Variants in ABCC1 observed in about 807,000 individuals in gnomAD.
ABCC1 encodes ATP binding cassette subfamily C member 1 (ABCC1 blood group).
Under a neutral mutation model 172.9 loss-of-function variants are expected in ABCC1, and 83 were observed. The observed-to-expected ratio is 0.48, with a 90% CI of 0.40 to 0.58. The LOEUF is 0.58. Ranked by LOEUF, ABCC1 falls within the 20% of genes least tolerant of loss-of-function variation. The pLI is 0.00. For synonymous variants in ABCC1, 937 were observed against 825.2 expected (o/e 1.14, Z -2.32); for missense variants, 1,817 against 2,002.7 (o/e 0.91, Z 1.77).
At position 16,036,452 on chromosome 16, in the gene ABCC1, C is replaced by T. The variant is rs773688623; in HGVS notation, c.678-20C>T. ...TGTCATTGACTCTCATTGCCTAACC[C>T]CCTTGTGTCTTGGCCCCAGGTTGAT... On this transcript the variant is annotated intron_variant, in intron 6 of 30. Transcript: ENST00000399410. 2 of 1,609,090 alleles carry T rather than the reference C, an allele frequency of 1.2e-6. No homozygotes were observed. Among genetic ancestry groups the T allele is most frequent in the Non-Finnish European group, 1.7e-6 (2 of 1,177,340 alleles).
intron 21 of ABCC1, among the ~76,000 whole-genome samples, chr16:16,110,340 C>T (rs1191329230): frequency 6.6e-6 from 1 of 151,290 alleles, no homozygotes; most frequent in East Asian, 1.9e-4. Flanking sequence ...TGCCGCAGCC[C>T]CTCAAAGTGC....
At chr16:16,004,862 G>A (rs1248339497) in intron 1 of ABCC1, among the ~76,000 whole-genome samples, 1 of 39,848 alleles carries the variant, frequency 2.5e-5, no homozygotes, top group African/African-American at 5.6e-5. Flanking sequence ...ATGTTTTTAT[G>A]GGGGGTTCTT....
intron 26 of ABCC1, among the ~76,000 whole-genome samples, chr16:16,131,392 G>C (rs1311213565): frequency 6.6e-6 from 1 of 152,166 alleles, no homozygotes. Flanking sequence ...ATAAATGTGT[G>C]TTGAACACCT....
intron 21 of ABCC1, among the ~76,000 whole-genome samples, chr16:16,110,050 C>G (rs2052317770): frequency 6.6e-6 from 1 of 152,006 alleles, no homozygotes; most frequent in Non-Finnish European, 1.5e-5. Context: ...ACCTCAGGGC[C>G]TTTGCACATG....
At chr16:16,038,748 C>G (rs556937372) in intron 7 of ABCC1, among the ~76,000 whole-genome samples, 7 of 152,314 alleles carry the variant, frequency 4.6e-5, no homozygotes, top group Non-Finnish European at 8.8e-5. Flanking sequence ...GCATCCCCCC[C>G]GCTAAGCAGG....
chr16:16,036,021 G>A (rs2048741502), intron 6 of ABCC1, among the ~76,000 whole-genome samples: 1 of 152,004 alleles, frequency 6.6e-6, no homozygotes, highest in South Asian at 2.1e-4. Context: ...CTACTCGGGA[G>A]GTTGAGATGG....
rs1371826874 is a variant in ABCC1 at position 16,073,051 on chromosome 16, A to AT, written c.1912+1322_1912+1323insT. Among the ~76,000 whole-genome samples, 53 of 110,960 alleles carry AT rather than the reference A, an allele frequency of 4.8e-4. 1 individual carries two copies. Among genetic ancestry groups the AT allele is most frequent in the Non-Finnish European group, 2.6e-4 (13 of 50,430 alleles). 72.8% of individuals were successfully genotyped at this position (110,960 alleles called of 152,430 possible). On this transcript the variant is annotated intron_variant, in intron 14 of 30. Coordinates refer to ENST00000399410, the MANE Select transcript of ABCC1 (RefSeq NM_004996.4). Reference sequence around the variant, plus strand: ...GTGAGACTTCATCTCAAAAAAAAAAAAAAAAATAATAATAATAAATATTAA... The same window carrying AT: ...GTGAGACTTCATCTCAAAAAAAAAAATAAAAAATAATAATAATAAATATTAA...
chr16:16,061,772 C>CTTTTTTTTTTTT (rs201926082), intron 12 of ABCC1, among the ~76,000 whole-genome samples: 2 of 116,224 alleles, frequency 1.7e-5, no homozygotes, highest in Non-Finnish European at 3.4e-5. Flanking sequence ...TTCTTTTTTT[C>CTTTTTTTTTTTT]TTTTTTTTTT....
intron 1 of ABCC1, among the ~76,000 whole-genome samples, chr16:15,951,708 G>A (rs1290592861): frequency 1.4e-5 from 2 of 147,148 alleles, no homozygotes; most frequent in Admixed American, 1.4e-4. Flanking sequence ...TTTCTTTTTT[G>A]AGACAGAGTC....
At chr16:16,020,902 G>T (rs1163803063) in intron 5 of ABCC1, among the ~76,000 whole-genome samples, 1 of 152,142 alleles carries the variant, frequency 6.6e-6, no homozygotes, top group African/African-American at 2.4e-5. Context: ...TGCCTTGCTC[G>T]ACCTGAGTAG....
intron 5 of ABCC1, among the ~76,000 whole-genome samples, chr16:16,030,073 C>A (rs931143265): frequency 6.6e-6 from 1 of 152,138 alleles, no homozygotes; most frequent in African/African-American, 2.4e-5. Flanking sequence ...CTCAGGGAAG[C>A]CTTCTCCAAC....
intron 1 of ABCC1, among the ~76,000 whole-genome samples, chr16:15,973,597 A>C (rs1277742351): frequency 1.3e-5 from 2 of 152,178 alleles, no homozygotes; most frequent in South Asian, 4.1e-4. Context: ...GGTGACTATC[A>C]GCAATGGTGT....
intron 29 of ABCC1, 128 bp downstream of exon 29, chr16:16,136,772 A>C (rs772804026): frequency 9.1e-7 from 1 of 1,102,946 alleles, no homozygotes; most frequent in Non-Finnish European, 1.3e-6. Context: ...TTGTCCCTTC[A>C]CCTCTTGGAG....
Position 16,039,432 on chromosome 16 carries a change from T to A in ABCC1, c.809+2829T>A, listed in dbSNP as rs2048891691. On this transcript the variant is annotated intron_variant, in intron 7 of 30. Transcript: ENST00000399410. ...ACAGGTGCATGCCACCACGCCTGAC[T>A]AATTTTTTGTATTTTTAGTAGAGAC... is the stretch of plus-strand genomic sequence containing the variant. 2.6e-5 allele frequency among the ~76,000 whole-genome samples: 4 copies of A among 151,708 alleles called. No individual in the cohort carries two copies. The South Asian group carries it at 8.3e-4, about 32-fold the overall frequency.
chr16:15,988,486 C>G (rs2046790499), intron 1 of ABCC1, among the ~76,000 whole-genome samples: 1 of 152,160 alleles, frequency 6.6e-6, no homozygotes. Flanking sequence ...TGCCTGACCC[C>G]TCACAAGACC....
At chr16:16,091,978 C>T (rs1321579501) in intron 19 of ABCC1, among the ~76,000 whole-genome samples, 2 of 152,220 alleles carry the variant, frequency 1.3e-5, no homozygotes, top group Non-Finnish European at 2.9e-5. Flanking sequence ...TGGCTCACGC[C>T]TGTAATCCCA....
chr16:15,979,313 A>C (rs215051), intron 1 of ABCC1, among the ~76,000 whole-genome samples: 96,666 of 149,964 alleles, frequency 0.64, 31,675 homozygotes, highest in South Asian at 0.73. Context: ...AACAAACAAA[A>C]AAAAAACAAA....
chr16:16,079,235 C>G, intron 15 of ABCC1, 117 bp from the exon 16 acceptor site: 2 of 1,471,250 alleles, frequency 1.4e-6, no homozygotes, highest in East Asian at 4.6e-5. Flanking sequence ...TTAGTACAGT[C>G]TTGCCTTCTG....
chr16:16,004,861 T>TGG (rs60059825), intron 1 of ABCC1, among the ~76,000 whole-genome samples: 26 of 150,946 alleles, frequency 1.7e-4, no homozygotes, highest in East Asian at 5.9e-4. Context: ...TATGTTTTTA[T>TGG]GGGGGGTTCT....
Sources: gnomAD v4.1 joint callset for allele counts (sites outside exome capture counted in the v4.1 genomes callset) on GRCh38, gnomAD v4.1.1 for gene constraint, MANE v1.5 for transcripts, NCBI Gene and HGNC (gene_info 2026-07-23, HGNC 2026-07-21) for gene names.